The following GAS7 variants were observed in gnomAD, a reference collection of about 807,000 sequenced individuals.
GAS7 encodes the protein growth arrest specific 7, also known as growth arrest-specific protein 7.
In GAS7, 28 loss-of-function variants were observed where a neutral mutation model predicts 71.1. The ratio of observed to expected loss-of-function variants is 0.39; its 90% confidence interval spans 0.29 to 0.54. The LOEUF is 0.54. Ranked by LOEUF, GAS7 falls within the 20% of genes least tolerant of loss-of-function variation. The pLI is 0.62. For synonymous variants in GAS7, 258 were observed against 245.8 expected (o/e 1.05, Z -0.46); for missense variants, 436 against 627.8 (o/e 0.69, Z 3.27).
chr17:10,125,400 C>T (rs531853168), intron 1 of GAS7, among the ~76,000 whole-genome samples: 179 of 151,660 alleles, frequency 1.2e-3, no homozygotes, highest in Non-Finnish European at 2.3e-3. Context: ...ACCTGTAATC[C>T]CAGCTACTCG....
intron 1 of GAS7, among the ~76,000 whole-genome samples, chr17:10,181,090 G>A (rs189817496): frequency 1.5e-3 from 218 of 149,580 alleles, no homozygotes; most frequent in African/African-American, 4.6e-3. Flanking sequence ...GTGGGGGCAC[G>A]GTGGCTCACG....
rs552618440 is a variant in GAS7 at position 10,051,122 on chromosome 17, TC to T, written c.184-31226del. Among the ~76,000 whole-genome samples the T allele has an allele frequency of 1.7e-4, 26 of 152,312 alleles. No homozygotes were observed. The South Asian group carries it at 5.4e-3, about 32-fold the overall frequency. ...AGGCACTTCACCTCTACAAACCTCATCTTTTTTCTTTCCCACATAGGAAAAT... is the reference window on the plus strand; with the variant it reads ...AGGCACTTCACCTCTACAAACCTCATTTTTTTCTTTCCCACATAGGAAAAT... On this transcript the variant is annotated intron_variant, in intron 1 of 13. Coordinates refer to ENST00000432992, the MANE Select transcript of GAS7 (RefSeq NM_201433.2).
chr17:9,950,022 C>A (rs2068944090), intron 5 of GAS7, among the ~76,000 whole-genome samples: 1 of 152,010 alleles, frequency 6.6e-6, no homozygotes, highest in Non-Finnish European at 1.5e-5. Flanking sequence ...TGTCACCACA[C>A]CTGGCTAGTT....
At chr17:9,935,588 G>A (rs1024941020) in intron 8 of GAS7, among the ~76,000 whole-genome samples, 2 of 152,226 alleles carry the variant, frequency 1.3e-5, no homozygotes, top group Non-Finnish European at 2.9e-5. Context: ...TCTGGGTCTG[G>A]AGCAGAGCAG....
chr17:10,145,730 C>T (rs1190723685), intron 1 of GAS7, among the ~76,000 whole-genome samples: 1 of 152,050 alleles, frequency 6.6e-6, no homozygotes, highest in South Asian at 2.1e-4. Flanking sequence ...GCTTTAGGGG[C>T]CAGGGCAGAT....
chr17:10,017,049 T>G (rs2072054816), intron 2 of GAS7, among the ~76,000 whole-genome samples: 1 of 151,052 alleles, frequency 6.6e-6, no homozygotes, highest in East Asian at 1.9e-4. Context: ...GAGGAGTGTT[T>G]GAGCCCAGGA....
At chr17:9,918,470 A>G (rs548275326) in intron 12 of GAS7, among the ~76,000 whole-genome samples, 28 of 152,362 alleles carry the variant, frequency 1.8e-4, no homozygotes, top group African/African-American at 6.7e-4. Flanking sequence ...ACACGGAATT[A>G]TGGGAGGAAC....
At position 9,914,499 on chromosome 17, in the gene GAS7, T is replaced by A. The variant is rs1018759902; in HGVS notation, c.*2729A>T. On this transcript the variant is annotated 3_prime_UTR_variant, in exon 14 of 14. Coordinates refer to ENST00000432992, the MANE Select transcript of GAS7 (RefSeq NM_201433.2). ...CCTCGGCCTCCCAAAGAGCTGGGAT[T>A]ACAGGCGTGAGCCACCGTGCCCGAC... is the stretch of plus-strand genomic sequence containing the variant. 5.5e-6 allele frequency: 1 copy of A among 183,246 alleles called. No individual in the cohort carries two copies. Among genetic ancestry groups the A allele is most frequent in the Non-Finnish European group, 1.2e-5 (1 of 86,328 alleles). The allele number at this position is 183,246 out of a possible 1,614,324, so 11.4% of individuals were successfully genotyped here.
intron 1 of GAS7, among the ~76,000 whole-genome samples, chr17:10,077,149 G>T (rs9913894): frequency 0.53 from 80,961 of 152,032 alleles, 22,472 homozygotes; most frequent in African/African-American, 0.67. Flanking sequence ...TGTCAATTTG[G>T]TTTCCAGATC....
intron 2 of GAS7, among the ~76,000 whole-genome samples, chr17:9,990,365 G>T (rs981305606): frequency 8.5e-5 from 13 of 152,214 alleles, no homozygotes; most frequent in Non-Finnish European, 1.5e-4. Flanking sequence ...TGCTGACTTC[G>T]CCCAGAGCGA....
chr17:9,965,585 C>T (rs1267658670), intron 4 of GAS7, among the ~76,000 whole-genome samples: 1 of 152,184 alleles, frequency 6.6e-6, no homozygotes, highest in Non-Finnish European at 1.5e-5. Context: ...ATCTAGATGA[C>T]AGGTTGATAG....
intron 3 of GAS7, among the ~76,000 whole-genome samples, chr17:9,973,179 T>C (rs1421398119): frequency 6.6e-6 from 1 of 151,980 alleles, no homozygotes; most frequent in African/African-American, 2.4e-5. Context: ...CCAGGGTAAT[T>C]TGAGAGGGAA....
At chr17:10,156,854 A>G (rs2074209215) in intron 1 of GAS7, among the ~76,000 whole-genome samples, 1 of 151,822 alleles carries the variant, frequency 6.6e-6, no homozygotes, top group Admixed American at 6.6e-5. Context: ...AAGCCTCTAT[A>G]AACAGCCCCT....
intron 2 of GAS7, among the ~76,000 whole-genome samples, chr17:10,005,145 G>A (rs533475273): frequency 8.5e-4 from 31 of 36,650 alleles, no homozygotes; most frequent in Admixed American, 2.7e-3. Flanking sequence ...GTGCGCGCAC[G>A]CATGCATGCA....
chr17:9,990,085 C>T (rs7217634), intron 2 of GAS7, among the ~76,000 whole-genome samples: 3,470 of 152,072 alleles, frequency 0.023, 124 homozygotes, highest in African/African-American at 0.078. Flanking sequence ...CTGGCTAACA[C>T]GGTGAAACCC....
intron 1 of GAS7, among the ~76,000 whole-genome samples, chr17:10,169,143 C>T (rs1048966678): frequency 1.3e-5 from 2 of 150,666 alleles, no homozygotes; most frequent in Non-Finnish European, 3.0e-5. Flanking sequence ...CATGGTGGCG[C>T]GCACCTGTAA....
At chr17:10,022,433 G>A (rs999271725) in intron 1 of GAS7, among the ~76,000 whole-genome samples, 13 of 152,156 alleles carry the variant, frequency 8.5e-5, no homozygotes, top group Non-Finnish European at 1.9e-4. Context: ...GAAATAGGAA[G>A]GATCAAATAT....
At chr17:10,147,619 C>T (rs530655889) in intron 1 of GAS7, among the ~76,000 whole-genome samples, 1 of 152,296 alleles carries the variant, frequency 6.6e-6, no homozygotes, top group Admixed American at 6.5e-5. Flanking sequence ...GGCTAAGAAA[C>T]CTCACATGCA....
chr17:10,157,762 C>T (rs143000348), intron 1 of GAS7, among the ~76,000 whole-genome samples: 1 of 152,204 alleles, frequency 6.6e-6, no homozygotes, highest in Non-Finnish European at 1.5e-5. Flanking sequence ...TTAAAAGCCA[C>T]CCTTAGACAT....
Sources: gnomAD v4.1 joint callset for allele counts (sites outside exome capture counted in the v4.1 genomes callset) on GRCh38, gnomAD v4.1.1 for gene constraint, MANE v1.5 for transcripts, NCBI Gene and HGNC (gene_info 2026-07-23, HGNC 2026-07-21) for gene names.